SYNE2: variants seen among roughly 807,000 people sequenced by gnomAD.
SYNE2 encodes nesprin-2.
In SYNE2, 431 loss-of-function variants were observed where a neutral mutation model predicts 856.3. The ratio of observed to expected loss-of-function variants is 0.50; its 90% CI spans 0.47 to 0.55. The LOEUF (loss-of-function observed/expected upper bound fraction) is 0.55, where lower values mean the gene tolerates loss of function less well. Ranked by LOEUF, SYNE2 falls within the 20% of genes least tolerant of loss-of-function variation. SYNE2 has a pLI of 0.00. For synonymous variants in SYNE2, 2,923 were observed against 2,872.3 expected, an observed-to-expected ratio of 1.02 and a Z score of -0.56; for missense variants, 8,129 against 8,023.2, an observed-to-expected ratio of 1.01 and a Z score of -0.50.
rs573931086 is a variant in SYNE2 at position 64,124,718 on chromosome 14, G to A, written c.13423-361G>A. On this transcript the variant is annotated intron_variant, in intron 70 of 115. Coordinates refer to ENST00000555002, the MANE Select transcript of SYNE2 (RefSeq NM_182914.3). Reference sequence around the variant, plus strand: ...TCTTTTTCTATTTAAATTAATATCAGCAGGCTGGACATGTTGGCTCATGCC... The same window carrying A: ...TCTTTTTCTATTTAAATTAATATCAACAGGCTGGACATGTTGGCTCATGCC... 9.2e-5 allele frequency among the ~76,000 whole-genome samples: 14 copies of A among 152,200 alleles called. No homozygotes were observed. The South Asian group carries it at 2.9e-3, about 32-fold the overall frequency.
chr14:64,089,369 G>GAAAAAAAAAAA (rs57358817), intron 58 of SYNE2, among the ~76,000 whole-genome samples: 17 of 50,472 alleles, frequency 3.4e-4, no homozygotes, highest in East Asian at 6.8e-4. Flanking sequence ...TCCGTCTCAG[G>GAAAAAAAAAAA]AAAAAAAAAA....
intron 65 of SYNE2, among the ~76,000 whole-genome samples, chr14:64,110,767 T>A (rs1268284496): frequency 6.6e-6 from 1 of 152,068 alleles, no homozygotes; most frequent in Non-Finnish European, 1.5e-5. Flanking sequence ...GTAACTTGGG[T>A]GCTTCTCAGA....
chr14:63,935,702 C>T (rs1227360634), intron 2 of SYNE2, among the ~76,000 whole-genome samples: 1 of 152,222 alleles, frequency 6.6e-6, no homozygotes, highest in South Asian at 2.1e-4. Flanking sequence ...AATATAACAA[C>T]CACAGTGATA....
chr14:63,820,428 T>G (rs1889171899), intron 1 of SYNE2, among the ~76,000 whole-genome samples: 1 of 152,162 alleles, frequency 6.6e-6, no homozygotes, highest in East Asian at 1.9e-4. Flanking sequence ...AGACATAAAT[T>G]TGAACCTAAA....
intron 57 of SYNE2, chr14:64,084,719 T>C: frequency 4.3e-6 from 2 of 461,348 alleles, no homozygotes; most frequent in Non-Finnish European, 3.9e-6. Context: ...GTGTAACATA[T>C]TACTCCATAA....
At chr14:63,958,987 G>T (rs1169335208) in intron 8 of SYNE2, among the ~76,000 whole-genome samples, 2 of 152,126 alleles carry the variant, frequency 1.3e-5, no homozygotes, top group Non-Finnish European at 2.9e-5. Context: ...TTGCTTGTTT[G>T]TTTTTGAGCA....
intron 1 of SYNE2, among the ~76,000 whole-genome samples, chr14:63,853,901 T>C (rs1752954269): frequency 6.6e-6 from 1 of 152,060 alleles, no homozygotes; most frequent in Non-Finnish European, 1.5e-5. Context: ...TTAGGTTATT[T>C]TTCTTCTGTT....
At chr14:63,771,207 C>G (rs1311590376) in intron 1 of SYNE2, among the ~76,000 whole-genome samples, 1 of 151,584 alleles carries the variant, frequency 6.6e-6, no homozygotes. Flanking sequence ...GTAGCTGGGA[C>G]TACAGGCGCC....
rs148344480 is a variant in SYNE2, at chr14:64,026,840, A to C, written c.6404+110A>C. The C allele has an allele frequency of 1.4e-3, 1,844 of 1,344,354 alleles. 21 individuals carry two copies. In the African/African-American group the frequency reaches 0.024, roughly 17 times the overall value. 83.3% of individuals were successfully genotyped at this position (1,344,354 alleles called of 1,614,324 possible). On this transcript the variant is annotated intron_variant, in intron 42 of 115. Coordinates refer to ENST00000555002, the MANE Select transcript of SYNE2 (RefSeq NM_182914.3). ...TGGATATAATATCTGCTAGAGAGAA[A>C]GTTGGTAATGTCAGGGACATCCACA...
chr14:63,766,416 C>A (rs1157309130), intron 1 of SYNE2, among the ~76,000 whole-genome samples: 1 of 152,126 alleles, frequency 6.6e-6, no homozygotes, highest in Non-Finnish European at 1.5e-5. Flanking sequence ...ATGTATAATG[C>A]TAAATGTTGA....
chr14:64,193,539 A>G (rs2098527522), intron 99 of SYNE2, among the ~76,000 whole-genome samples: 1 of 151,230 alleles, frequency 6.6e-6, no homozygotes, highest in Admixed American at 6.6e-5. Context: ...GACAGAGCGA[A>G]CTCCGTCTCA....
In SYNE2 at chr14:64,098,158, T is replaced by G; in HGVS notation, c.12306+12T>G. ...CTTCTGAGCGGAAGGTGGGTATGAC[T>G]TTAGGTTAATGCTGGCCCCACACTC... On this transcript the variant is annotated intron_variant, in intron 62 of 115. Coordinates refer to ENST00000555002, the MANE Select transcript of SYNE2 (RefSeq NM_182914.3). The G allele has an allele frequency of 6.2e-7, 1 of 1,613,442 alleles. No homozygotes were observed. Among genetic ancestry groups the G allele is most frequent in the Non-Finnish European group, 8.5e-7 (1 of 1,179,758 alleles).
intron 11 of SYNE2, among the ~76,000 whole-genome samples, chr14:63,971,830 ATGACT>A (rs1205665329): frequency 6.6e-6 from 1 of 152,180 alleles, no homozygotes; most frequent in Non-Finnish European, 1.5e-5. Flanking sequence ...CATTAAAAAA[ATGACT>A]TTATTGAGGA....
chr14:64,192,902 G>C (rs2098524728), intron 99 of SYNE2, among the ~76,000 whole-genome samples: 1 of 152,196 alleles, frequency 6.6e-6, no homozygotes, highest in African/African-American at 2.4e-5. Context: ...TTTAAAGCAA[G>C]GGCCAGGCTG....
Position 64,016,603 on chromosome 14 carries a change from C to T in SYNE2, c.4859C>T (p.Ala1620Val). 2.5e-6 allele frequency: 4 copies of T among 1,598,328 alleles called. No homozygotes were observed. Among genetic ancestry groups the T allele is most frequent in the East Asian group, 2.2e-5 (1 of 44,584 alleles). Residue 1620 changes from alanine (A) to valine (V), a missense_variant, in exon 33 of 116, where the codon GCT (alanine) becomes GTT (valine). This residue lies in a region of SYNE2 where 2,422 missense variants were observed against 2,357.4 expected (regional missense o/e 1.03). Transcript: ENST00000555002. ...TFEEPPFEKE[A>V]NIIVDRWLDI... ...GAAGAGCCCCCTTTTGAAAAAGAGG[C>T]TAATATTATTGTGGATAGATGGCTT...
intron 1 of SYNE2, among the ~76,000 whole-genome samples, chr14:63,903,012 C>T (rs1460282726): frequency 2.0e-5 from 3 of 152,112 alleles, no homozygotes; most frequent in Non-Finnish European, 4.4e-5. Context: ...TTTTCAAAGC[C>T]TTTCTAGCTT....
chr14:63,779,413 T>TTC (rs1488626683), intron 1 of SYNE2, among the ~76,000 whole-genome samples: 1 of 149,114 alleles, frequency 6.7e-6, no homozygotes, highest in East Asian at 1.9e-4. Flanking sequence ...TCTGTTCCCC[T>TTC]TCTCACTACT....
In SYNE2 at chr14:64,101,957, C is replaced by T. The variant is rs148970735; in HGVS notation, c.12407C>T (p.Ser4136Leu). ...AATGGAGATGAGAAGGCAGAGCCAT[C>T]GCCTCAGTCTTGGTCTTCACTTTGG... ...SDNGDEKAEP[S>L]PQSWSSLWKH... is the part of the protein sequence containing the mutation. Residue 4136 changes from serine (S) to leucine (L), a missense_variant, in exon 64 of 116, where the codon TCG (serine) becomes TTG (leucine). Ser to Leu is a moderately radical substitution (Grantham distance 145, BLOSUM62 -2). Transcript: ENST00000555002. The T allele has an allele frequency of 1.1e-5, 17 of 1,613,796 alleles. No individual in the cohort carries two copies. The African/African-American group carries it at 1.6e-4, about 15-fold the overall frequency.
chr14:64,090,116 G>A (rs1297930182), intron 59 of SYNE2, among the ~76,000 whole-genome samples: 1 of 152,168 alleles, frequency 6.6e-6, no homozygotes, highest in South Asian at 2.1e-4. Context: ...TGACTAAACA[G>A]CAGGCAAATG....
Sources: allele counts gnomAD v4.1 joint callset (sites outside exome capture counted in the v4.1 genomes callset), GRCh38; gene constraint gnomAD v4.1.1; regional missense constraint gnomAD v4.1.1; transcripts MANE v1.5; gene names NCBI Gene and HGNC (gene_info 2026-07-23, HGNC 2026-07-21).